KLF13: variants seen among roughly 807,000 people sequenced by gnomAD.
KLF13 encodes KLF transcription factor 13.
KLF13 carries 8 observed loss-of-function variants against 16.7 expected under a neutral mutation model. That is an observed-to-expected ratio of 0.48 (90% CI 0.28 to 0.87). KLF13 has a LOEUF of 0.87. Among genes scored for constraint, KLF13 ranks in the 40% least tolerant of loss-of-function variants. The probability of loss-of-function intolerance (pLI) is 0.10; values close to 1 mark genes in which losing one functional copy is unlikely to be tolerated. For synonymous variants in KLF13, 245 were observed against 208.4 expected, an observed-to-expected ratio of 1.18 and a Z score of -1.51; for missense variants, 447 against 452.2, an observed-to-expected ratio of 0.99 and a Z score of 0.10.
chr15:31,352,652 A>G (rs2039235395), intron 1 of KLF13, among the ~76,000 whole-genome samples: 1 of 152,098 alleles, frequency 6.6e-6, no homozygotes, highest in Admixed American at 6.5e-5. Flanking sequence ...GGGTCTACCA[A>G]CCCGGTCTGT....
chr15:31,327,498 T>A lies in KLF13; in HGVS notation c.286T>A (p.Cys96Ser). The change falls in exon 1 of 2, where the codon TGC becomes AGC. Residue 96 changes from cysteine (C) to serine (S), a missense_variant. Around this residue, in one of 2 missense-constraint regions of KLF13, gnomAD observed 359 missense variants for 282.8 expected, o/e 1.27. Transcript: ENST00000307145. ...GAAARKARTP[C>S]RLPPPAPEPT... ...CGCGGCCCGGAAGGCGAGGACCCCC[T>A]GCCGCCTGCCGCCGCCCGCCCCCGA... 3 of 1,149,326 alleles carry A rather than the reference T, an allele frequency of 2.6e-6. No individual in the cohort carries two copies. Among genetic ancestry groups the A allele is most frequent in the Non-Finnish European group, 3.2e-6 (3 of 937,026 alleles). 71.2% of individuals were successfully genotyped at this position (1,149,326 alleles called of 1,614,324 possible). A position where few individuals can be genotyped will look rare whatever the true frequency, so the allele number is the denominator to read the frequency against.
chr15:31,332,447 T>G (rs566429081), intron 1 of KLF13, among the ~76,000 whole-genome samples: 1 of 152,332 alleles, frequency 6.6e-6, no homozygotes, highest in African/African-American at 2.4e-5. Flanking sequence ...GGAAAGTGTG[T>G]GGTGGGCGCT....
intron 1 of KLF13, among the ~76,000 whole-genome samples, chr15:31,383,622 C>T (rs1042240453): frequency 1.8e-4 from 27 of 152,294 alleles, no homozygotes; most frequent in Middle Eastern, 6.8e-3. Context: ...CAAGATGGGC[C>T]GGGCGCGGTG....
chr15:31,349,705 G>GCCTGTGCC (rs2039185759), intron 1 of KLF13, among the ~76,000 whole-genome samples: 2 of 152,208 alleles, frequency 1.3e-5, no homozygotes. Flanking sequence ...TATGGGCCAA[G>GCCTGTGCC]CCTGTGCCCC....
At chr15:31,400,447 G>A (rs981284683) in intron 2 of KLF13, among the ~76,000 whole-genome samples, 1 of 151,906 alleles carries the variant, frequency 6.6e-6, no homozygotes, top group African/African-American at 2.4e-5. Flanking sequence ...TTTAAATAAA[G>A]GCCTTAAAAA....
chr15:31,337,376 G>T (rs1464076947), intron 1 of KLF13, among the ~76,000 whole-genome samples: 4 of 152,238 alleles, frequency 2.6e-5, no homozygotes, highest in African/African-American at 9.6e-5. Context: ...AGGGGCTCTG[G>T]CCCCTTGCAG....
At chr15:31,423,650 A>G (rs1349957395) in intron 1 of KLF13, among the ~76,000 whole-genome samples, 1 of 152,140 alleles carries the variant, frequency 6.6e-6, no homozygotes, top group Non-Finnish European at 1.5e-5. Flanking sequence ...AGGAACTTGA[A>G]CAACATTATA....
intron 1 of KLF13, among the ~76,000 whole-genome samples, chr15:31,419,408 C>T (rs1455125495): frequency 6.6e-6 from 1 of 152,032 alleles, no homozygotes; most frequent in Non-Finnish European, 1.5e-5. Flanking sequence ...AGATAGACAA[C>T]TAAAAACAAA....
chr15:31,384,296 G>A (rs976391430), intron 1 of KLF13, among the ~76,000 whole-genome samples: 10 of 152,062 alleles, frequency 6.6e-5, no homozygotes, highest in African/African-American at 1.2e-4. Context: ...AAAATTAGCC[G>A]GGTGTGGTGC....
intron 1 of KLF13, among the ~76,000 whole-genome samples, chr15:31,367,100 T>C (rs2039486242): frequency 6.6e-6 from 1 of 152,210 alleles, no homozygotes; most frequent in Admixed American, 6.5e-5. Context: ...TGGGTGAAAG[T>C]GGCCTGGGGC....
At chr15:31,364,835 GT>G (rs1346741255) in intron 1 of KLF13, among the ~76,000 whole-genome samples, 1 of 152,230 alleles carries the variant, frequency 6.6e-6, no homozygotes, top group Non-Finnish European at 1.5e-5. Context: ...TCAGCTCCAT[GT>G]GGCTTAATAA....
downstream of KLF13, among the ~76,000 whole-genome samples, chr15:31,405,138 A>G (rs928057151): frequency 6.6e-6 from 1 of 152,186 alleles, no homozygotes; most frequent in Admixed American, 6.5e-5. Context: ...CAGAGCTCTC[A>G]TGAATGAGGT....
At chr15:31,423,085 A>ATATACGTATATATACGTATACGTATACG in intron 1 of KLF13, among the ~76,000 whole-genome samples, 1 of 140,248 alleles carries the variant, frequency 7.1e-6, no homozygotes, top group Non-Finnish European at 1.5e-5. Flanking sequence ...AATTACATAT[A>ATATACGTATATATACGTATACGTATACG]TATACGTATA....
intron 1 of KLF13, among the ~76,000 whole-genome samples, chr15:31,338,053 A>G (rs568801708): frequency 1.3e-5 from 2 of 152,322 alleles, no homozygotes; most frequent in East Asian, 3.9e-4. Flanking sequence ...GTCTTACAGG[A>G]AATACAGCCT....
chr15:31,327,442 C>G lies in KLF13; in HGVS notation c.230C>G (p.Ala77Gly). Residue 77 changes from alanine (A) to glycine (G), a missense_variant, in exon 1 of 2, where the codon GCG becomes GGG. Physicochemically the swap from Ala to Gly is moderately conservative, Grantham distance 60. Coordinates refer to ENST00000307145, the MANE Select transcript of KLF13 (RefSeq NM_015995.4). ...ILADLNQQAP[A>G]PAPAERREGA... The stretch of plus-strand genomic sequence containing the variant: ...GCGGACCTCAACCAGCAAGCGCCGG[C>G]GCCCGCCCCGGCGGAGCGCAGGGAG... 1 of 1,245,266 alleles carries G rather than the reference C, an allele frequency of 8.0e-7. No individual in the cohort carries two copies. Among genetic ancestry groups the G allele is most frequent in the Non-Finnish European group, 1.0e-6 (1 of 993,866 alleles). The allele number at this position is 1,245,266 out of a possible 1,614,324, so 77.1% of individuals were successfully genotyped here.
At chr15:31,370,172 C>G (rs996467535) in intron 1 of KLF13, among the ~76,000 whole-genome samples, 1 of 149,420 alleles carries the variant, frequency 6.7e-6, no homozygotes, top group East Asian at 2.0e-4. Context: ...ATCGTGGTGG[C>G]TACTTGATTT....
chr15:31,424,511 G>A (rs1000902699), intron 1 of KLF13, among the ~76,000 whole-genome samples: 13 of 152,012 alleles, frequency 8.6e-5, no homozygotes, highest in African/African-American at 2.9e-4. Flanking sequence ...AAAAAAGAAT[G>A]AAGGACAAAA....
chr15:31,359,848 C>T (rs986669312), intron 1 of KLF13, among the ~76,000 whole-genome samples: 31 of 152,302 alleles, frequency 2.0e-4, no homozygotes, highest in African/African-American at 7.2e-4. Flanking sequence ...CCTCGTCTAC[C>T]CCATCCAACA....
upstream of KLF13, among the ~76,000 whole-genome samples, chr15:31,392,053 C>T (rs545990661): frequency 1.5e-3 from 226 of 152,096 alleles, 1 homozygote; most frequent in African/African-American, 5.3e-3. Flanking sequence ...GCCAGACCCG[C>T]CAGCTGCCCA....
Sources: allele counts gnomAD v4.1 joint callset (sites outside exome capture counted in the v4.1 genomes callset), GRCh38; gene constraint gnomAD v4.1.1; regional missense constraint gnomAD v4.1.1; transcripts MANE v1.5; gene names NCBI Gene and HGNC (gene_info 2026-07-23, HGNC 2026-07-21).